MGAT5: variants seen among roughly 807,000 people sequenced by gnomAD.
MGAT5 encodes the protein alpha-1,6-mannosylglycoprotein 6-beta-N-acetylglucosaminyltransferase A.
MGAT5 carries 30 observed loss-of-function variants against 94.3 expected under a neutral mutation model. The observed-to-expected ratio is 0.32, with a 90% CI of 0.24 to 0.43. MGAT5 has a LOEUF of 0.43. Ranked by LOEUF, MGAT5 falls within the 20% of genes least tolerant of loss-of-function variation. The probability of loss-of-function intolerance (pLI) is 1.00; values close to 1 mark genes in which losing one functional copy is unlikely to be tolerated. For synonymous variants in MGAT5, 310 were observed against 322.9 expected (o/e 0.96, Z 0.43); for missense variants, 691 against 905.5 (o/e 0.76, Z 3.04).
At chr2:134,441,323 A>G (rs1382411903) in intron 14 of MGAT5, among the ~76,000 whole-genome samples, 1 of 152,162 alleles carries the variant, frequency 6.6e-6, no homozygotes, top group East Asian at 1.9e-4. Context: ...GGGTAGACAC[A>G]GTGCCTTTGG....
intron 14 of MGAT5, among the ~76,000 whole-genome samples, chr2:134,429,792 T>C (rs1684785886): frequency 1.3e-5 from 2 of 152,228 alleles, no homozygotes; most frequent in South Asian, 2.1e-4. Context: ...ATCACAACTC[T>C]AGCAACCACA....
intron 4 of MGAT5, among the ~76,000 whole-genome samples, chr2:134,333,357 TCTCA>T (rs1688106674): frequency 6.9e-6 from 1 of 143,954 alleles, no homozygotes; most frequent in Non-Finnish European, 1.5e-5. Context: ...CACCGCATGT[TCTCA>T]CTCATAGGTG....
chr2:134,436,698 C>T (rs538205517), intron 14 of MGAT5, among the ~76,000 whole-genome samples: 2 of 152,292 alleles, frequency 1.3e-5, no homozygotes, highest in East Asian at 3.9e-4. Context: ...ACCTTGGAAG[C>T]TCTACGGGGC....
At chr2:134,280,452 T>C (rs1002806271) in intron 2 of MGAT5, among the ~76,000 whole-genome samples, 1 of 152,234 alleles carries the variant, frequency 6.6e-6, no homozygotes, top group African/African-American at 2.4e-5. Flanking sequence ...GACAGAGCAT[T>C]ATAAACTGCA....
At chr2:134,392,735 G>T (rs1682487484) in intron 10 of MGAT5, among the ~76,000 whole-genome samples, 1 of 152,230 alleles carries the variant, frequency 6.6e-6, no homozygotes, top group Non-Finnish European at 1.5e-5. Flanking sequence ...ATGGCATGGG[G>T]CTGAGTGCCT....
intron 1 of MGAT5, among the ~76,000 whole-genome samples, chr2:134,233,084 A>G (rs1332697218): frequency 6.6e-6 from 1 of 152,322 alleles, no homozygotes; most frequent in Non-Finnish European, 1.5e-5. Flanking sequence ...GCTTAAAATG[A>G]TGTCATCGTG....
chr2:134,404,390 A>G (rs2106302725), intron 11 of MGAT5, among the ~76,000 whole-genome samples: 1 of 152,350 alleles, frequency 6.6e-6, no homozygotes, highest in East Asian at 1.9e-4. Flanking sequence ...TGATTCTCAC[A>G]ACAGCATTAA....
chr2:134,387,332 A>ATATATATATATTTTTTTTTTTT, intron 10 of MGAT5, among the ~76,000 whole-genome samples: 2 of 24,264 alleles, frequency 8.2e-5, no homozygotes, highest in African/African-American at 4.0e-4. Context: ...ATATATATAT[A>ATATATATATATTTTTTTTTTTT]TTTTTTTTTT....
At chr2:134,192,549 A>G (rs1679278549) in intron 1 of MGAT5, among the ~76,000 whole-genome samples, 1 of 152,226 alleles carries the variant, frequency 6.6e-6, no homozygotes, top group South Asian at 2.1e-4. Flanking sequence ...ACTGCTACAC[A>G]AGCCTAAAAA....
At chr2:134,309,348 G>A (rs1371427014) in intron 2 of MGAT5, among the ~76,000 whole-genome samples, 6 of 152,178 alleles carry the variant, frequency 3.9e-5, no homozygotes, top group African/African-American at 1.2e-4. Flanking sequence ...GAGTAGAATT[G>A]TTGACTCAGA....
chr2:134,265,764 C>T (rs62165758), intron 1 of MGAT5, among the ~76,000 whole-genome samples: 21,998 of 151,986 alleles, frequency 0.14, 2,582 homozygotes, highest in East Asian at 0.36. Context: ...AACTATAAGA[C>T]GCAATGAAAT....
chr2:134,142,702 A>G (rs1686714616), intron 1 of MGAT5, among the ~76,000 whole-genome samples: 1 of 152,202 alleles, frequency 6.6e-6, no homozygotes, highest in South Asian at 2.1e-4. Flanking sequence ...AAGGGAAGGA[A>G]GGTGTTGGGG....
intron 2 of MGAT5, among the ~76,000 whole-genome samples, chr2:134,315,726 C>T (rs574174923): frequency 2.0e-5 from 3 of 152,190 alleles, no homozygotes; most frequent in East Asian, 1.9e-4. Context: ...GAAATAGAGG[C>T]GGAGTCATTC....
At chr2:134,334,223 T>C (rs1204368965) in intron 4 of MGAT5, among the ~76,000 whole-genome samples, 2 of 152,182 alleles carry the variant, frequency 1.3e-5, no homozygotes, top group African/African-American at 4.8e-5. Context: ...TTCAGGCTTC[T>C]GTAGGGAAGT....
chr2:134,304,072 C>T (rs934900118), intron 2 of MGAT5, among the ~76,000 whole-genome samples: 1 of 152,144 alleles, frequency 6.6e-6, no homozygotes, highest in Admixed American at 6.6e-5. Flanking sequence ...CATAGTTTCT[C>T]TGCTTTGTTT....
At chr2:134,355,074 C>T (rs554818122) in intron 9 of MGAT5, among the ~76,000 whole-genome samples, 29 of 152,274 alleles carry the variant, frequency 1.9e-4, no homozygotes, top group Admixed American at 1.2e-3. Context: ...AGGTCCTGGC[C>T]CCGGTCTCAC....
intron 1 of MGAT5, among the ~76,000 whole-genome samples, chr2:134,236,668 C>T (rs950776676): frequency 2.6e-5 from 4 of 152,120 alleles, no homozygotes; most frequent in African/African-American, 7.2e-5. Context: ...ATAAATTACC[C>T]AGTCTCGGGT....
chr2:134,133,865 G>C (rs1163427017), intron 1 of MGAT5, among the ~76,000 whole-genome samples: 1 of 152,178 alleles, frequency 6.6e-6, no homozygotes, highest in Non-Finnish European at 1.5e-5. Flanking sequence ...CCGTTCCTCT[G>C]TGGGGGTCTT....
intron 1 of MGAT5, among the ~76,000 whole-genome samples, chr2:134,192,477 A>G (rs1679274368): frequency 6.6e-6 from 1 of 152,128 alleles, no homozygotes; most frequent in Non-Finnish European, 1.5e-5. Context: ...CTTGCTAGCT[A>G]TATCTTGCTA....
Sources: allele counts gnomAD v4.1 joint callset (sites outside exome capture counted in the v4.1 genomes callset), GRCh38; gene constraint gnomAD v4.1.1; transcripts MANE v1.5; gene names NCBI Gene and HGNC (gene_info 2026-07-23, HGNC 2026-07-21).